NFIB: variants seen among roughly 807,000 people sequenced by gnomAD.
NFIB encodes nuclear factor 1 B-type.
NFIB carries 11 observed loss-of-function variants against 61.5 expected under a neutral mutation model. The observed-to-expected ratio is 0.18, with a 90% CI of 0.11 to 0.30. The LOEUF is 0.30. NFIB is among the 10% of genes least tolerant of loss of function. The pLI is 1.00. For synonymous variants in NFIB, 260 were observed against 216.5 expected, an observed-to-expected ratio of 1.20 and a Z score of -1.76; for missense variants, 471 against 608.9, an observed-to-expected ratio of 0.77 and a Z score of 2.38.
chr9:14,301,084 T>C (rs187435184), intron 2 of NFIB, among the ~76,000 whole-genome samples: 2 of 152,356 alleles, frequency 1.3e-5, no homozygotes, highest in Admixed American at 1.3e-4. Context: ...TGTTTGGAAG[T>C]GCTTCTTAGG....
At chr9:14,367,556 G>A (rs2061314708) in intron 1 of NFIB, among the ~76,000 whole-genome samples, 1 of 152,130 alleles carries the variant, frequency 6.6e-6, no homozygotes, top group Non-Finnish European at 1.5e-5. Context: ...TATTTTCGTT[G>A]ATAGGGAAAT....
chr9:14,358,304 A>G (rs920154950), intron 1 of NFIB, among the ~76,000 whole-genome samples: 4 of 151,490 alleles, frequency 2.6e-5, no homozygotes, highest in African/African-American at 9.7e-5. Flanking sequence ...TAAAAAATAT[A>G]TACTTTAAAA....
At chr9:14,095,721 T>C (rs2034667410) in intron 10 of NFIB, among the ~76,000 whole-genome samples, 1 of 152,164 alleles carries the variant, frequency 6.6e-6, no homozygotes, top group Non-Finnish European at 1.5e-5. Flanking sequence ...ATCAGCATTA[T>C]TTGCACAATT....
chr9:14,433,108 A>T, the NFIB span, among the ~76,000 whole-genome samples: 2 of 152,070 alleles, frequency 1.3e-5, no homozygotes, highest in African/African-American at 4.8e-5. Flanking sequence ...ATAATTTTGG[A>T]GCAGTAAAAC....
At chr9:14,264,736 A>G (rs2057059240) in intron 2 of NFIB, among the ~76,000 whole-genome samples, 1 of 151,890 alleles carries the variant, frequency 6.6e-6, no homozygotes, top group African/African-American at 2.4e-5. Context: ...GATTTCAAAC[A>G]GTCTGGAAAA....
chr9:14,499,581 A>G, the NFIB span, among the ~76,000 whole-genome samples: 1 of 152,146 alleles, frequency 6.6e-6, no homozygotes, highest in Non-Finnish European at 1.5e-5. Context: ...ATTTCACCTG[A>G]TCTCTATAGC....
In NFIB at chr9:14,185,699, G is replaced by T. The variant is rs191042780; in HGVS notation, c.563-5919C>A. ...AAAGTGCACAAGAAAGAAAGACAAA[G>T]CATACCGCTCTGTGTAAAATCATAC... On this transcript the variant is annotated intron_variant, in intron 2 of 10. Coordinates refer to ENST00000380953, the MANE Select transcript of NFIB (RefSeq NM_001190737.2). 9.4e-4 allele frequency among the ~76,000 whole-genome samples: 143 copies of T among 152,232 alleles called. 1 individual carries two copies. Among genetic ancestry groups the T allele is most frequent in the Admixed American group, 5.6e-3 (86 of 15,274 alleles).
At chr9:14,458,977 G>A in the NFIB span, among the ~76,000 whole-genome samples, 61,449 of 151,702 alleles carry the variant, frequency 0.41, 13,314 homozygotes, top group Admixed American at 0.52. Context: ...CATCCCCATC[G>A]AGCTACGATG....
the NFIB span, among the ~76,000 whole-genome samples, chr9:14,458,069 G>C: frequency 1.3e-5 from 2 of 152,112 alleles, no homozygotes; most frequent in Non-Finnish European, 2.9e-5. Context: ...AACAAAAAAA[G>C]AGAATTTTAG....
the NFIB span, among the ~76,000 whole-genome samples, chr9:14,480,089 G>A: frequency 6.6e-6 from 1 of 151,930 alleles, no homozygotes; most frequent in Non-Finnish European, 1.5e-5. Flanking sequence ...CAAAGGTGTA[G>A]GGAGGGAACT....
chr9:14,349,942 C>T (rs1463370580), intron 1 of NFIB, among the ~76,000 whole-genome samples: 1 of 152,200 alleles, frequency 6.6e-6, no homozygotes, highest in East Asian at 1.9e-4. Context: ...TTTCCCTTCC[C>T]CGTGTGCCCC....
intron 10 of NFIB, among the ~76,000 whole-genome samples, chr9:14,098,274 A>G (rs2035191974): frequency 6.6e-6 from 1 of 152,216 alleles, no homozygotes; most frequent in Admixed American, 6.5e-5. Flanking sequence ...CTATGTTTAC[A>G]TAAGCCATCA....
intron 2 of NFIB, chr9:14,204,943 C>A: frequency 2.9e-6 from 1 of 341,764 alleles, no homozygotes; most frequent in South Asian, 3.4e-5. Flanking sequence ...CCAATGAGAT[C>A]CGTCATCACT....
the NFIB span, among the ~76,000 whole-genome samples, chr9:14,448,072 C>T: frequency 6.6e-6 from 1 of 152,054 alleles, no homozygotes; most frequent in Admixed American, 6.6e-5. Context: ...TGTGGTTTGA[C>T]CATATATGTA....
At chr9:14,320,201 G>C (rs2060630598) in intron 1 of NFIB, among the ~76,000 whole-genome samples, 1 of 152,112 alleles carries the variant, frequency 6.6e-6, no homozygotes, top group Non-Finnish European at 1.5e-5. Context: ...TTCTTGTATG[G>C]AACACTCAGC....
chr9:14,497,800 T>C, the NFIB span, among the ~76,000 whole-genome samples: 2 of 152,306 alleles, frequency 1.3e-5, no homozygotes, highest in Admixed American at 1.3e-4. Context: ...TGAACAATGC[T>C]TGCAGGAAGA....
At chr9:14,456,613 C>T in the NFIB span, among the ~76,000 whole-genome samples, 1 of 152,112 alleles carries the variant, frequency 6.6e-6, no homozygotes, top group Non-Finnish European at 1.5e-5. Flanking sequence ...TAACATGCAG[C>T]CTCACTCATT....
At chr9:14,108,800 G>A (rs1429082290) in intron 10 of NFIB, among the ~76,000 whole-genome samples, 1 of 151,980 alleles carries the variant, frequency 6.6e-6, no homozygotes, top group Admixed American at 6.6e-5. Context: ...GTCTCACTTA[G>A]GGAAGGCAAA....
intron 2 of NFIB, among the ~76,000 whole-genome samples, chr9:14,278,846 G>A (rs1022065982): frequency 6.6e-6 from 1 of 152,004 alleles, no homozygotes. Flanking sequence ...AGAACTTCAC[G>A]CTACTTATAA....
Sources: allele counts gnomAD v4.1 joint callset (sites outside exome capture counted in the v4.1 genomes callset), GRCh38; gene constraint gnomAD v4.1.1; transcripts MANE v1.5; gene names NCBI Gene and HGNC (gene_info 2026-07-23, HGNC 2026-07-21).